The following CDH10 variants were observed in gnomAD, a reference collection of about 807,000 sequenced individuals.
CDH10 encodes cadherin-10.
Under a neutral mutation model 73.1 loss-of-function variants are expected in CDH10, and 30 were observed. The observed-to-expected ratio is 0.41, with a 90% confidence interval of 0.31 to 0.56. CDH10 has a LOEUF of 0.56. Ranked by LOEUF, CDH10 falls within the 20% of genes least tolerant of loss-of-function variation. The pLI is 0.27. For missense variants in CDH10, 815 were observed against 973.7 expected (o/e 0.84, Z 2.17); for synonymous variants, 345 against 348.2 (o/e 0.99, Z 0.10).
At position 24,574,471 on chromosome 5, in the gene CDH10, A is replaced by G. The variant is rs569477140; in HGVS notation, c.231+18789T>C. Among the ~76,000 whole-genome samples, 6 of 152,214 alleles carry G rather than the reference A, an allele frequency of 3.9e-5. No homozygotes were observed. In the East Asian group the frequency reaches 1.2e-3, roughly 30 times the overall value. ...ATGAAAGTGTAGCAAACCAAATATG[A>G]CATTCTTGCAAGTAAAATTCGAATC... On this transcript the variant is annotated intron_variant, in intron 2 of 11. Coordinates refer to ENST00000264463, the MANE Select transcript of CDH10 (RefSeq NM_006727.5).
intron 8 of CDH10, chr5:24,499,339 T>G (rs73067107): frequency 3.6e-4 from 55 of 152,718 alleles, no homozygotes; most frequent in African/African-American, 1.3e-3. Context: ...TAATCATACC[T>G]TTTGCTATAA....
At chr5:24,584,512 C>A (rs1281626787) in intron 2 of CDH10, among the ~76,000 whole-genome samples, 2 of 120,402 alleles carry the variant, frequency 1.7e-5, no homozygotes, top group Non-Finnish European at 3.2e-5. Context: ...TGCTCTGTTG[C>A]CAGGCTGGAG....
chr5:24,629,578 T>A (rs1340509127), intron 1 of CDH10, among the ~76,000 whole-genome samples: 1 of 152,086 alleles, frequency 6.6e-6, no homozygotes, highest in Admixed American at 6.6e-5. Flanking sequence ...CAAATTGTAA[T>A]CCCCAGGTGT....
At chr5:24,490,756 T>C (rs975182999) in intron 11 of CDH10, among the ~76,000 whole-genome samples, 7 of 152,166 alleles carry the variant, frequency 4.6e-5, no homozygotes, top group Non-Finnish European at 1.0e-4. Flanking sequence ...ATTGTCTGCA[T>C]TATTTTAAAA....
intron 2 of CDH10, among the ~76,000 whole-genome samples, chr5:24,555,543 G>T (rs1290894229): frequency 2.0e-5 from 3 of 152,098 alleles, no homozygotes; most frequent in Non-Finnish European, 4.4e-5. Flanking sequence ...GTTCATGGGG[G>T]TGATGTGGCA....
chr5:24,559,603 GT>G (rs1744884391), intron 2 of CDH10, among the ~76,000 whole-genome samples: 1 of 151,910 alleles, frequency 6.6e-6, no homozygotes, highest in Non-Finnish European at 1.5e-5. Context: ...AGAAAAATAG[GT>G]TTGTTCTGAT....
At chr5:24,527,361 A>G (rs182396728) in intron 5 of CDH10, among the ~76,000 whole-genome samples, 1,517 of 148,744 alleles carry the variant, frequency 0.01, 28 homozygotes, top group African/African-American at 0.035. Flanking sequence ...ATATTTATAC[A>G]TATATACACA....
intron 1 of CDH10, among the ~76,000 whole-genome samples, chr5:24,617,600 A>C (rs1482640451): frequency 6.6e-6 from 1 of 152,212 alleles, no homozygotes; most frequent in Non-Finnish European, 1.5e-5. Context: ...AAGCTCTAAG[A>C]AAATACCATT....
intron 1 of CDH10, among the ~76,000 whole-genome samples, chr5:24,618,034 CA>C (rs1431454247): frequency 2.0e-5 from 3 of 152,166 alleles, no homozygotes; most frequent in Admixed American, 1.3e-4. Flanking sequence ...TAACACTCCT[CA>C]ATTCAAGAGT....
chr5:24,593,267 A>G lies in CDH10; in HGVS notation c.224T>C (p.Val75Ala), dbSNP rs147281963. 1 of 1,567,760 alleles carries G rather than the reference A, an allele frequency of 6.4e-7. No homozygotes were observed. Among genetic ancestry groups the G allele is most frequent in the Non-Finnish European group, 8.8e-7 (1 of 1,138,142 alleles). ...ATTTTAACACAAGCTTACCTTGCCT[A>G]CGTACTGATAATCAGATCCTGTATA... is the stretch of plus-strand genomic sequence containing the variant. ...EEYTGSDYQYVGKLHSDQDKG... is the reference protein window; with the variant it reads ...EEYTGSDYQYAGKLHSDQDKG... The change falls in exon 2 of 12, where the codon GTA becomes GCA. Residue 75 changes from valine to alanine, a missense_variant. Physicochemically the swap from Val to Ala is moderately conservative, Grantham distance 64 (BLOSUM62 0). This residue lies in a region of CDH10 where 58 missense variants were observed against 96.7 expected (regional missense o/e 0.60). Coordinates refer to ENST00000264463, the MANE Select transcript of CDH10 (RefSeq NM_006727.5).
chr5:24,603,654 G>A (rs908280554), intron 1 of CDH10, among the ~76,000 whole-genome samples: 1 of 151,934 alleles, frequency 6.6e-6, no homozygotes, highest in African/African-American at 2.4e-5. Context: ...AAGTATGACT[G>A]AAACTAACTT....
chr5:24,502,615 CA>C (rs1255601525), intron 8 of CDH10, among the ~76,000 whole-genome samples: 2 of 151,024 alleles, frequency 1.3e-5, no homozygotes, highest in South Asian at 2.1e-4. Flanking sequence ...TATTTGAGGA[CA>C]AAAAAAAGAT....
At chr5:24,566,664 C>CA (rs1554021949) in intron 2 of CDH10, among the ~76,000 whole-genome samples, 3 of 151,776 alleles carry the variant, frequency 2.0e-5, no homozygotes, top group South Asian at 2.1e-4. Flanking sequence ...GGTAAACAAA[C>CA]AAAAAAATCA....
chr5:24,495,707 C>T (rs769252837), intron 9 of CDH10, among the ~76,000 whole-genome samples: 7 of 151,842 alleles, frequency 4.6e-5, no homozygotes, highest in Non-Finnish European at 7.4e-5. Flanking sequence ...ATCAGGCGGG[C>T]GTGGTGGTGC....
chr5:24,487,463 G>T lies in CDH10; in HGVS notation c.*200C>A. 1.9e-6 allele frequency: 1 copy of T among 531,242 alleles called. No homozygotes were observed. The highest frequency in any genetic ancestry group is 3.3e-6 in the Non-Finnish European group (1 of 299,024). 32.9% of individuals were successfully genotyped at this position (531,242 alleles called of 1,614,324 possible). A position where few individuals can be genotyped will look rare whatever the true frequency, so the allele number is the denominator to read the frequency against. ...TTCCATAGCTTTGGCTCTTGGAAGT[G>T]ATTAAATAAAATGTCATATATATTC... On this transcript the variant is annotated 3_prime_UTR_variant, in exon 12 of 12. Transcript: ENST00000264463.
chr5:24,568,354 C>A (rs1323888177), intron 2 of CDH10, among the ~76,000 whole-genome samples: 1 of 151,982 alleles, frequency 6.6e-6, no homozygotes, highest in Non-Finnish European at 1.5e-5. Context: ...AGACATTTCT[C>A]CAAAGAAGAC....
chr5:24,611,800 ACT>A (rs767275207), intron 1 of CDH10: 1 of 151,898 alleles, frequency 6.6e-6, no homozygotes, highest in Non-Finnish European at 1.5e-5. Context: ...TTGCTAGGAG[ACT>A]CTCTATTGCC....
At chr5:24,613,322 T>TG (rs1317882085) in intron 1 of CDH10, 2 of 152,074 alleles carry the variant, frequency 1.3e-5, no homozygotes, top group Non-Finnish European at 2.9e-5. Context: ...AATATATCTA[T>TG]GAGCAAGAAT....
At chr5:24,493,807 A>G (rs1280387047) in intron 9 of CDH10, among the ~76,000 whole-genome samples, 1 of 151,976 alleles carries the variant, frequency 6.6e-6, no homozygotes, top group African/African-American at 2.4e-5. Flanking sequence ...TAAAAGCAAT[A>G]CACTTTTTAC....
Sources: allele counts gnomAD v4.1 joint callset (sites outside exome capture counted in the v4.1 genomes callset), GRCh38; gene constraint gnomAD v4.1.1; regional missense constraint gnomAD v4.1.1; transcripts MANE v1.5; gene names NCBI Gene and HGNC (gene_info 2026-07-23, HGNC 2026-07-21).